Variants in TBC1D22A observed in about 807,000 individuals in gnomAD.
TBC1D22A encodes the protein TBC1 domain family member 22A.
In TBC1D22A, 38 loss-of-function variants were observed where a neutral mutation model predicts 60.2. The ratio of observed to expected loss-of-function variants is 0.63; its 90% confidence interval spans 0.49 to 0.83. TBC1D22A has a LOEUF of 0.83. Among genes scored for constraint, TBC1D22A ranks in the 40% least tolerant of loss-of-function variants. The pLI is 0.00. For synonymous variants in TBC1D22A, 302 were observed against 281.7 expected (o/e 1.07, Z -0.72); for missense variants, 628 against 701.0 (o/e 0.90, Z 1.18).
intron 10 of TBC1D22A, among the ~76,000 whole-genome samples, chr22:47,022,440 AGAACAG>A (rs1327107528): frequency 6.6e-6 from 1 of 152,166 alleles, no homozygotes; most frequent in African/African-American, 2.4e-5. Context: ...GAGTTTAGAC[AGAACAG>A]GGAGTCTGGG....
chr22:46,920,346 T>C lies in TBC1D22A; in HGVS notation c.1015+8158T>C, dbSNP rs377350996. Among the ~76,000 whole-genome samples, 10 of 152,332 alleles carry C rather than the reference T, an allele frequency of 6.6e-5. No homozygotes were observed. In the East Asian group the frequency reaches 1.9e-3, roughly 29 times the overall value. On this transcript the variant is annotated intron_variant, in intron 8 of 12. Transcript: ENST00000337137. ...CTTCTTCCTTGGCCTCTCAAAGTGC[T>C]GGGATTACAGGCACGAGCCACTGTG...
chr22:46,798,806 C>T (rs1273549808), intron 4 of TBC1D22A, among the ~76,000 whole-genome samples: 4 of 152,226 alleles, frequency 2.6e-5, no homozygotes, highest in African/African-American at 9.6e-5. Flanking sequence ...GCGGATGGGC[C>T]GCCAGGAGCC....
At chr22:47,151,864 G>A (rs112377003) in intron 12 of TBC1D22A, among the ~76,000 whole-genome samples, 2,385 of 152,310 alleles carry the variant, frequency 0.016, 63 homozygotes, top group African/African-American at 0.055. Flanking sequence ...CGGTGTGGAC[G>A]TGGCAGTGCA....
rs547939508 is a variant in TBC1D22A at position 47,131,566 on chromosome 22, T to TTGTTGGAGC, written c.1425+19963_1425+19964insTGTTGGAGC. On this transcript the variant is annotated intron_variant, in intron 12 of 12. Coordinates refer to ENST00000337137, the MANE Select transcript of TBC1D22A (RefSeq NM_014346.5). ...CATGTGGGGGCAACAAGCCAGCTTC[T>TTGTTGGAGC]ACCCCTGCTGCTGGAGCAAGAAGAG... 6.0e-3 allele frequency among the ~76,000 whole-genome samples: 921 copies of TTGTTGGAGC among 152,346 alleles called. 12 individuals carry two copies. The highest frequency in any genetic ancestry group is 0.021 in the African/African-American group (883 of 41,586).
At chr22:46,829,434 C>T (rs1241224738) in intron 4 of TBC1D22A, among the ~76,000 whole-genome samples, 1 of 152,194 alleles carries the variant, frequency 6.6e-6, no homozygotes, top group African/African-American at 2.4e-5. Context: ...CTTCTCTCTT[C>T]CTGTGCTCCC....
intron 11 of TBC1D22A, among the ~76,000 whole-genome samples, chr22:47,072,291 C>T (rs925375616): frequency 2.0e-5 from 3 of 152,310 alleles, no homozygotes; most frequent in Non-Finnish European, 2.9e-5. Context: ...AGTCCCCACT[C>T]GTCCAGGCCA....
chr22:46,896,591 C>A (rs932291217), intron 7 of TBC1D22A, among the ~76,000 whole-genome samples: 1 of 152,190 alleles, frequency 6.6e-6, no homozygotes, highest in Admixed American at 6.5e-5. Context: ...GGGTCCAGCT[C>A]ATCTCCCATA....
intron 10 of TBC1D22A, among the ~76,000 whole-genome samples, chr22:46,999,511 G>C (rs2075237782): frequency 6.6e-6 from 1 of 152,144 alleles, no homozygotes; most frequent in African/African-American, 2.4e-5. Context: ...TAAATAGACA[G>C]AATTTCTCGC....
chr22:46,803,237 C>T (rs920845312), intron 4 of TBC1D22A, among the ~76,000 whole-genome samples: 8 of 152,048 alleles, frequency 5.3e-5, no homozygotes, highest in South Asian at 2.1e-4. Context: ...CTGAAGAGCT[C>T]GAGACAAGGT....
chr22:46,796,537 C>T (rs2146926758), intron 3 of TBC1D22A, among the ~76,000 whole-genome samples: 1 of 152,042 alleles, frequency 6.6e-6, no homozygotes, highest in South Asian at 2.1e-4. Flanking sequence ...GGATTTAGAC[C>T]CAGGAGTTTG....
intron 11 of TBC1D22A, among the ~76,000 whole-genome samples, chr22:47,056,175 G>A (rs956898614): frequency 3.3e-5 from 5 of 152,024 alleles, no homozygotes; most frequent in Admixed American, 2.0e-4. Context: ...GTGGTGGGCC[G>A]GGCCGGGCTG....
intron 8 of TBC1D22A, among the ~76,000 whole-genome samples, chr22:46,959,052 A>G: frequency 6.6e-6 from 1 of 152,190 alleles, no homozygotes; most frequent in East Asian, 1.9e-4. Flanking sequence ...TTCAGTTATG[A>G]GAATGTGTGC....
At chr22:47,127,394 A>ATTTTTTTTTTTT (rs11387235) in intron 12 of TBC1D22A, among the ~76,000 whole-genome samples, 1 of 122,514 alleles carries the variant, frequency 8.2e-6, no homozygotes, top group Admixed American at 8.6e-5. Flanking sequence ...CGCCCAGCTG[A>ATTTTTTTTTTTT]TTTTTTTTTT....
chr22:47,075,210 G>A (rs371611469), intron 11 of TBC1D22A, among the ~76,000 whole-genome samples: 1 of 126,418 alleles, frequency 7.9e-6, no homozygotes, highest in Non-Finnish European at 1.6e-5. Flanking sequence ...GCGACAGAGC[G>A]AGATTCCGTC....
intron 2 of TBC1D22A, 183 bp downstream of exon 2, chr22:46,792,759 C>G (rs1043091092): frequency 9.5e-6 from 14 of 1,478,012 alleles, no homozygotes; most frequent in South Asian, 4.0e-5. Flanking sequence ...TGCTGCGCAT[C>G]CCGGTGAAGA....
At chr22:47,114,033 G>T (rs1208307685) in intron 12 of TBC1D22A, among the ~76,000 whole-genome samples, 3 of 152,202 alleles carry the variant, frequency 2.0e-5, no homozygotes, top group East Asian at 3.9e-4. Flanking sequence ...AAGTGACAAG[G>T]TGCCCTCATT....
At chr22:46,912,533 A>AGTCTGTCT (rs60462275) in intron 8 of TBC1D22A, among the ~76,000 whole-genome samples, 14,545 of 152,018 alleles carry the variant, frequency 0.096, 1,399 homozygotes, top group African/African-American at 0.25. Context: ...TCAGTCAATC[A>AGTCTGTCT]GTCTGTCTGT....
chr22:46,913,537 G>A (rs1042760514), intron 8 of TBC1D22A: 1 of 1,239,596 alleles, frequency 8.1e-7, no homozygotes, highest in South Asian at 1.4e-5. Flanking sequence ...AATGAGAGCT[G>A]CCTCGGCTCA....
intron 11 of TBC1D22A, among the ~76,000 whole-genome samples, chr22:47,038,530 T>G (rs2062732073): frequency 6.6e-6 from 1 of 152,176 alleles, no homozygotes. Context: ...CGTGCGTTCT[T>G]CCCACAGGAC....
Sources: gnomAD v4.1 joint callset for allele counts (sites outside exome capture counted in the v4.1 genomes callset) on GRCh38, gnomAD v4.1.1 for gene constraint, MANE v1.5 for transcripts, NCBI Gene and HGNC (gene_info 2026-07-23, HGNC 2026-07-21) for gene names.